Variants in ANKAR observed in about 807,000 individuals in gnomAD.
ANKAR encodes ankyrin and armadillo repeat containing.
In ANKAR, 136 loss-of-function variants were observed where a neutral mutation model predicts 146.2. The observed-to-expected ratio is 0.93, with a 90% CI of 0.81 to 1.07. The LOEUF (loss-of-function observed/expected upper bound fraction) is 1.07, where lower values mean the gene tolerates loss of function less well. Ranked by LOEUF, ANKAR falls within the 50% of genes least tolerant of loss-of-function variation. The pLI, the probability that ANKAR is intolerant of heterozygous loss-of-function variation, is 0.00. For missense variants in ANKAR, 1,567 were observed against 1,679.9 expected (o/e 0.93, Z 1.18); for synonymous variants, 500 against 575.8 (o/e 0.87, Z 1.88).
In ANKAR at chr2:189,754,542, T is replaced by C. The variant is rs1574874320; in HGVS notation, c.*585-6556T>C. 3.1e-5 allele frequency: 17 copies of C among 543,404 alleles called. No homozygotes were observed. The South Asian group carries it at 4.2e-4, about 13-fold the overall frequency. 33.7% of individuals were successfully genotyped at this position (543,404 alleles called of 1,614,324 possible). ...CTGTTCCTTATGATGACCCGAACAA[T>C]AAGAGGCCAATCACTGCCCCTGTCT... On this transcript the variant is annotated intron_variant and NMD_transcript_variant, in intron 18 of 18. Transcript: ENST00000441800.
chr2:189,676,180 ATAAACT>A (rs2033638830), intron 1 of ANKAR: 1 of 277,828 alleles, frequency 3.6e-6, no homozygotes, highest in Admixed American at 4.8e-5. Context: ...CTTCTCACAG[ATAAACT>A]TAACGTTTCT....
intron 18 of ANKAR, among the ~76,000 whole-genome samples, chr2:189,758,869 G>A (rs2046507276): frequency 6.6e-6 from 1 of 152,108 alleles, no homozygotes; most frequent in Non-Finnish European, 1.5e-5. Context: ...AAATAGGATG[G>A]GAGTACCTAA....
chr2:189,723,908 T>C (rs1206567377), intron 12 of ANKAR, among the ~76,000 whole-genome samples: 1 of 152,188 alleles, frequency 6.6e-6, no homozygotes, highest in Non-Finnish European at 1.5e-5. Context: ...GTAAAGACAC[T>C]TCCATTCCTT....
At chr2:189,677,791 A>G (rs1391261252) in intron 2 of ANKAR, among the ~76,000 whole-genome samples, 1 of 151,776 alleles carries the variant, frequency 6.6e-6, no homozygotes, top group Non-Finnish European at 1.5e-5. Flanking sequence ...GATTACAGAC[A>G]TGTGCCACTG....
rs770521623 is a variant in ANKAR, at chr2:189,696,241, A to T, written c.1580A>T (p.Asn527Ile). 1 of 1,614,162 alleles carries T rather than the reference A, an allele frequency of 6.2e-7. No individual in the cohort carries two copies. The highest frequency in any genetic ancestry group is 1.7e-5 in the Admixed American group (1 of 60,016). The change falls in exon 7 of 23, where the codon AAT (asparagine) becomes ATT (isoleucine). Residue 527 changes from asparagine to isoleucine, a missense_variant. Asn to Ile is a moderately radical substitution (Grantham distance 149, BLOSUM62 -3). Transcript: ENST00000684021. Reference protein sequence around the residue: ...FSRKTSSSTINVSDEAGYTIF... With the variant: ...FSRKTSSSTIIVSDEAGYTIF... ...CGTAAAACCTCAAGCTCAACAATCA[A>T]TGTTTCAGATGAAGCAGGTTATACT...
At chr2:189,695,990 C>T (rs1217813363) in intron 6 of ANKAR, among the ~76,000 whole-genome samples, 160 bp from the exon 7 acceptor site, 2 of 152,198 alleles carry the variant, frequency 1.3e-5, no homozygotes, top group African/African-American at 2.4e-5. Context: ...CTACTTTAAT[C>T]ATTATCCAGT....
Position 189,689,950 on chromosome 2 carries a change from T to C in ANKAR, c.1025T>C (p.Leu342Pro). Residue 342 changes from leucine (L) to proline (P), a missense_variant, in exon 3 of 23, where the codon CTT becomes CCT. By Grantham distance (98) the Leu-to-Pro change is moderately conservative (BLOSUM62 -3). Coordinates refer to ENST00000684021, the MANE Select transcript of ANKAR (RefSeq NM_001378068.1). ...KMKVPYLSSL[L>P]QPFSDDKVKT... ...AAAGTTCCATATTTAAGTAGTCTGC[T>C]TCAGCCTTTTTCAGGTAAGAGTATC... 6.6e-7 allele frequency: 1 copy of C among 1,503,806 alleles called. No homozygotes were observed. The highest frequency in any genetic ancestry group is 1.4e-5 in the South Asian group (1 of 69,026). 93.2% of individuals were successfully genotyped at this position (1,503,806 alleles called of 1,614,324 possible).
intron 10 of ANKAR, among the ~76,000 whole-genome samples, chr2:189,718,283 T>A (rs1431492535): frequency 6.6e-6 from 1 of 152,140 alleles, no homozygotes; most frequent in Non-Finnish European, 1.5e-5. Context: ...TGAGACCCTG[T>A]CTTTGTCTTT....
chr2:189,690,484 A>G lies in ANKAR; in HGVS notation c.1039+520A>G, dbSNP rs138933526. 1.3e-4 allele frequency among the ~76,000 whole-genome samples: 20 copies of G among 152,364 alleles called. No homozygotes were observed. In the East Asian group the frequency reaches 3.9e-3, roughly 29 times the overall value. Reference sequence around the variant, plus strand: ...ATAAACAAATAGAGCAATGTAAGAGAATAGAGAACTGAAACAGGCCATGAT... The same window carrying G: ...ATAAACAAATAGAGCAATGTAAGAGGATAGAGAACTGAAACAGGCCATGAT... On this transcript the variant is annotated intron_variant, in intron 3 of 22. Transcript: ENST00000684021.
chr2:189,704,300 A>C (rs886621989), intron 7 of ANKAR, among the ~76,000 whole-genome samples: 1 of 150,536 alleles, frequency 6.6e-6, no homozygotes, highest in Non-Finnish European at 1.5e-5. Context: ...CACCACCATG[A>C]CCAGTTAAAT....
chr2:189,716,828 A>G (rs2040529004), intron 10 of ANKAR, among the ~76,000 whole-genome samples: 2 of 151,844 alleles, frequency 1.3e-5, no homozygotes, highest in South Asian at 2.1e-4. Flanking sequence ...TGACAAAAAC[A>G]AGCAATGGGG....
At chr2:189,745,015 C>CTAATAATAATAA (rs1251906081) in intron 22 of ANKAR, among the ~76,000 whole-genome samples, 1 of 71,782 alleles carries the variant, frequency 1.4e-5, no homozygotes, top group Non-Finnish European at 3.8e-5. Context: ...ACTACTACTA[C>CTAATAATAATAA]TACTACTACT....
chr2:189,692,991 G>C, intron 4 of ANKAR, 83 bp from the exon 5 acceptor site: 1 of 707,926 alleles, frequency 1.4e-6, no homozygotes, highest in Non-Finnish European at 2.3e-6. Context: ...TCATTTACAT[G>C]TATACTCTTT....
chr2:189,709,085 C>T (rs1473062565), intron 9 of ANKAR, among the ~76,000 whole-genome samples: 4 of 150,018 alleles, frequency 2.7e-5, no homozygotes, highest in East Asian at 1.9e-4. Flanking sequence ...TGTGACAGAG[C>T]GAGACTTCGT....
downstream of ANKAR, among the ~76,000 whole-genome samples, chr2:189,748,132 A>G (rs942045221): frequency 6.6e-6 from 1 of 152,196 alleles, no homozygotes. Flanking sequence ...TTTCCCCGAT[A>G]TGTACTTAGG....
chr2:189,718,377 C>T (rs1256792130), intron 10 of ANKAR, among the ~76,000 whole-genome samples: 1 of 152,032 alleles, frequency 6.6e-6, no homozygotes, highest in East Asian at 1.9e-4. Flanking sequence ...CACACACACA[C>T]ACACACACAC....
At chr2:189,761,257 A>G, downstream of ANKAR, 1 of 643,086 alleles carries the variant, frequency 1.6e-6, no homozygotes, top group Non-Finnish European at 2.5e-6. Flanking sequence ...AAGACCCTTA[A>G]AAGCCAGGAT....
intron 19 of ANKAR, among the ~76,000 whole-genome samples, chr2:189,740,922 G>A (rs530666001): frequency 8.6e-5 from 13 of 151,712 alleles, no homozygotes; most frequent in Middle Eastern, 3.2e-3. Flanking sequence ...ACGAACTCCC[G>A]AAGTCAGGTG....
intron 3 of ANKAR, among the ~76,000 whole-genome samples, chr2:189,690,803 G>A (rs1164385929): frequency 6.6e-6 from 1 of 152,170 alleles, no homozygotes; most frequent in Non-Finnish European, 1.5e-5. Flanking sequence ...ATGTATAGAA[G>A]TAGGAGGGAC....
Sources: allele counts gnomAD v4.1 joint callset (sites outside exome capture counted in the v4.1 genomes callset), GRCh38; gene constraint gnomAD v4.1.1; transcripts MANE v1.5; gene names NCBI Gene and HGNC (gene_info 2026-07-23, HGNC 2026-07-21).